Variants in HLF observed in about 807,000 individuals in gnomAD.
HLF encodes hepatic leukemia factor.
HLF carries 3 observed loss-of-function variants against 22.6 expected under a neutral mutation model. That is an observed-to-expected ratio of 0.13 (90% CI 0.06 to 0.34). The LOEUF (loss-of-function observed/expected upper bound fraction) is 0.34, where lower values mean the gene tolerates loss of function less well. HLF is among the 10% of genes least tolerant of loss of function. The pLI, the probability that HLF is intolerant of heterozygous loss-of-function variation, is 1.00. For synonymous variants in HLF, 151 were observed against 151.8 expected (o/e 0.99, Z 0.04); for missense variants, 299 against 389.2 (o/e 0.77, Z 1.95).
chr17:55,308,725 A>G (rs988593059), intron 2 of HLF, among the ~76,000 whole-genome samples: 4 of 152,242 alleles, frequency 2.6e-5, no homozygotes, highest in Admixed American at 6.5e-5. Flanking sequence ...CCCCTATGCA[A>G]TAACTCAGCT....
At chr17:55,293,006 G>T (rs1162912699) in intron 2 of HLF, among the ~76,000 whole-genome samples, 1 of 152,198 alleles carries the variant, frequency 6.6e-6, no homozygotes, top group African/African-American at 2.4e-5. Context: ...CGGGGGCTGG[G>T]ATGTGGGATT....
intron 1 of HLF, 94 bp from the exon 2 acceptor site, chr17:55,267,657 T>G: frequency 2.4e-6 from 2 of 841,848 alleles, no homozygotes; most frequent in East Asian, 2.8e-5. Flanking sequence ...TCGTGAGAAA[T>G]AGTCTTATAA....
Position 55,320,576 on chromosome 17 carries a change from C to T in HLF, c.673-88C>T. 8.2e-7 allele frequency: 1 copy of T among 1,213,004 alleles called. No individual in the cohort carries two copies. The highest frequency in any genetic ancestry group is 1.2e-6 in the Non-Finnish European group (1 of 851,434). The allele number at this position is 1,213,004 out of a possible 1,614,324, so 75.1% of individuals were successfully genotyped here. On this transcript the variant is annotated intron_variant, in intron 3 of 3. Transcript: ENST00000226067. This position sits in a 1 kb window ranked among gnomAD's most constrained non-coding sequence, Gnocchi z 4.2. ...ACCCGGGCTGGCACCTCTGCACAAT[C>T]CTGGAGCCTGCCCGTGCCCTGGCTG...
intron 1 of HLF, among the ~76,000 whole-genome samples, chr17:55,267,305 C>T (rs929128504): frequency 6.6e-6 from 1 of 152,180 alleles, no homozygotes; most frequent in African/African-American, 2.4e-5. Context: ...AACTCACTGG[C>T]TTTGTAAGTC....
chr17:55,312,713 G>A (rs1904887856), intron 2 of HLF, among the ~76,000 whole-genome samples: 1 of 152,184 alleles, frequency 6.6e-6, no homozygotes, highest in South Asian at 2.1e-4. Context: ...GAGACTGGGG[G>A]AAGAGGAGAA....
At chr17:55,310,964 TA>T (rs1315115203) in intron 2 of HLF, among the ~76,000 whole-genome samples, 5 of 152,114 alleles carry the variant, frequency 3.3e-5, no homozygotes, top group Non-Finnish European at 1.5e-5. Context: ...TACATGTTTT[TA>T]AAAAAGCCCA....
intron 2 of HLF, among the ~76,000 whole-genome samples, chr17:55,302,105 G>C (rs1333279263): frequency 6.6e-6 from 1 of 152,224 alleles, no homozygotes; most frequent in East Asian, 1.9e-4. Flanking sequence ...TTTAAAGCCT[G>C]GAAGAATGGG....
chr17:55,315,047 C>G (rs1300144317), intron 2 of HLF, among the ~76,000 whole-genome samples, 180 bp from the exon 3 acceptor site: 4 of 152,194 alleles, frequency 2.6e-5, no homozygotes, highest in African/African-American at 7.2e-5. Context: ...TGACGTGAGT[C>G]AAGTCATACT....
rs1234898486 is a variant in HLF, at chr17:55,267,773, G to A, written c.138G>A (p.Lys46=). The A allele has an allele frequency of 1.9e-6, 3 of 1,587,462 alleles. No homozygotes were observed. Among genetic ancestry groups the A allele is most frequent in the African/African-American group, 1.4e-5 (1 of 74,036 alleles). ...CAGCATTTAGTAAAGATAAAGACAAGGAAAAGAAGCTGGATGATGAGAGTA... is the reference window on the plus strand; with the variant it reads ...CAGCATTTAGTAAAGATAAAGACAAAGAAAAGAAGCTGGATGATGAGAGTA... The part of the protein sequence containing the change: ...HEDAFSKDKD[K]EKKLDDESNS... The change falls in exon 2 of 4, where the codon AAG becomes AAA. Residue 46 remains lysine, a synonymous_variant. Coordinates refer to ENST00000226067, the MANE Select transcript of HLF (RefSeq NM_002126.5).
chr17:55,317,441 T>C (rs1051118063), intron 3 of HLF, among the ~76,000 whole-genome samples: 22 of 152,154 alleles, frequency 1.4e-4, no homozygotes, highest in Non-Finnish European at 2.8e-4. Flanking sequence ...GATTAGTTAA[T>C]AACCCAGGTA....
chr17:55,281,580 A>G (rs1460926197), intron 2 of HLF, among the ~76,000 whole-genome samples: 3 of 152,224 alleles, frequency 2.0e-5, no homozygotes, highest in Admixed American at 6.5e-5. Flanking sequence ...AGTGAACACA[A>G]TGCTCCTAAG....
intron 2 of HLF, chr17:55,288,801 G>A (rs770606692): frequency 2.2e-4 from 75 of 341,594 alleles, no homozygotes; most frequent in Non-Finnish European, 5.0e-5. Context: ...AGAATGAAGA[G>A]TGTTTTCAGA....
At chr17:55,285,906 G>A (rs1320062503) in intron 2 of HLF, among the ~76,000 whole-genome samples, 7 of 152,160 alleles carry the variant, frequency 4.6e-5, no homozygotes, top group South Asian at 2.1e-4. Context: ...CATCTTCTTC[G>A]CGGTGCCCAG....
At chr17:55,291,780 G>A (rs111930988) in intron 2 of HLF, among the ~76,000 whole-genome samples, 5 of 152,288 alleles carry the variant, frequency 3.3e-5, no homozygotes, top group African/African-American at 1.2e-4. Context: ...CTTCTGAAAG[G>A]ATTCACCACT....
chr17:55,283,579 T>C (rs982736945), intron 2 of HLF: 6 of 152,244 alleles, frequency 3.9e-5, no homozygotes, highest in African/African-American at 1.4e-4. Context: ...TTTTACTCTC[T>C]GAAGGAGGCT....
At chr17:55,298,206 C>G (rs1209398963) in intron 2 of HLF, among the ~76,000 whole-genome samples, 7 of 152,122 alleles carry the variant, frequency 4.6e-5, no homozygotes, top group Admixed American at 4.6e-4. Context: ...ATGTGGGGAA[C>G]TACACACTGA....
intron 2 of HLF, among the ~76,000 whole-genome samples, chr17:55,295,456 G>A (rs1319393170): frequency 6.6e-6 from 1 of 152,204 alleles, no homozygotes; most frequent in Non-Finnish European, 1.5e-5. Context: ...TATTCAGAGG[G>A]GCTAACTCCC....
intron 2 of HLF, among the ~76,000 whole-genome samples, chr17:55,275,051 T>G (rs1325994525): frequency 6.6e-6 from 1 of 152,206 alleles, no homozygotes; most frequent in Non-Finnish European, 1.5e-5. Flanking sequence ...TCATTCTTCC[T>G]GGCTCATGGG....
chr17:55,308,399 T>C (rs1904680698), intron 2 of HLF, among the ~76,000 whole-genome samples: 1 of 152,222 alleles, frequency 6.6e-6, no homozygotes, highest in African/African-American at 2.4e-5. Context: ...AAGCACTTTG[T>C]ATGTATTATC....
Sources: allele counts gnomAD v4.1 joint callset (sites outside exome capture counted in the v4.1 genomes callset), GRCh38; gene constraint gnomAD v4.1.1; non-coding constraint Gnocchi (gnomAD v3.1); transcripts MANE v1.5; gene names NCBI Gene and HGNC (gene_info 2026-07-23, HGNC 2026-07-21).